The following NPR3 variants were observed in gnomAD, a reference collection of about 807,000 sequenced individuals.
NPR3 encodes natriuretic peptide receptor 3, also known as atrial natriuretic peptide receptor 3.
In NPR3, 34 loss-of-function variants were observed where a neutral mutation model predicts 54.5. The observed-to-expected ratio is 0.62, with a 90% CI of 0.47 to 0.83. The LOEUF is 0.83. Among genes scored for constraint, NPR3 ranks in the 40% least tolerant of loss-of-function variants. NPR3 has a pLI of 0.00. For synonymous variants in NPR3, 289 were observed against 297.1 expected, an observed-to-expected ratio of 0.97 and a Z score of 0.28; for missense variants, 674 against 720.8, an observed-to-expected ratio of 0.94 and a Z score of 0.74.
chr5:32,708,655 G>T (rs912806934), upstream of NPR3, among the ~76,000 whole-genome samples: 3 of 152,130 alleles, frequency 2.0e-5, no homozygotes, highest in African/African-American at 7.2e-5. Flanking sequence ...GGGGTGTCAG[G>T]CTGGGTGACT....
chr5:32,691,813 C>T (rs1308646467), intron 1 of NPR3, among the ~76,000 whole-genome samples: 1 of 152,070 alleles, frequency 6.6e-6, no homozygotes. Flanking sequence ...GTGTCAAAAG[C>T]GAGGAGAAGG....
chr5:32,761,808 TA>T (rs1271263649), intron 3 of NPR3, among the ~76,000 whole-genome samples: 1 of 152,106 alleles, frequency 6.6e-6, no homozygotes, highest in African/African-American at 2.4e-5. Flanking sequence ...TTTTTTTCAT[TA>T]TACTTTAAGT....
upstream of NPR3, among the ~76,000 whole-genome samples, chr5:32,704,951 G>T (rs1026513599): frequency 1.3e-5 from 2 of 152,088 alleles, no homozygotes; most frequent in Non-Finnish European, 1.5e-5. Context: ...GCATATAAGT[G>T]GTCTTCAAAA....
At chr5:32,772,612 A>G (rs966623369) in intron 3 of NPR3, among the ~76,000 whole-genome samples, 4 of 152,218 alleles carry the variant, frequency 2.6e-5, no homozygotes, top group Admixed American at 6.5e-5. Context: ...AATAACATAC[A>G]TGATACCTGT....
At chr5:32,698,747 A>G (rs1417569360) in intron 1 of NPR3, among the ~76,000 whole-genome samples, 1 of 151,874 alleles carries the variant, frequency 6.6e-6, no homozygotes, top group African/African-American at 2.4e-5. Flanking sequence ...GTCTCTTTTT[A>G]TAGTTTTTAT....
chr5:32,769,328 G>A (rs1457224852), intron 3 of NPR3, among the ~76,000 whole-genome samples: 1 of 152,150 alleles, frequency 6.6e-6, no homozygotes, highest in Non-Finnish European at 1.5e-5. Context: ...TATGCACACA[G>A]CACTCCCAGA....
chr5:32,715,165 T>A (rs575184828), intron 1 of NPR3, among the ~76,000 whole-genome samples: 1 of 152,242 alleles, frequency 6.6e-6, no homozygotes, highest in African/African-American at 2.4e-5. Flanking sequence ...GGCCTCCTTA[T>A]GTGAGTTTTC....
At chr5:32,757,332 T>C (rs1216438478) in intron 3 of NPR3, among the ~76,000 whole-genome samples, 1 of 152,200 alleles carries the variant, frequency 6.6e-6, no homozygotes. Context: ...CCCTTGTAAG[T>C]TGGATTCCTA....
At chr5:32,709,273 TGGTAGGACTG>T (rs1738089786), upstream of NPR3, 1 of 152,066 alleles carries the variant, frequency 6.6e-6, no homozygotes, top group Admixed American at 6.5e-5. Flanking sequence ...CTGTGGCCAG[TGGTAGGACTG>T]GGTCTCCGAG....
At chr5:32,761,263 A>G (rs916764146) in intron 3 of NPR3, among the ~76,000 whole-genome samples, 3 of 152,098 alleles carry the variant, frequency 2.0e-5, no homozygotes, top group Non-Finnish European at 4.4e-5. Flanking sequence ...CTGTACACCA[A>G]TTTGGGGGAA....
At chr5:32,775,511 A>C (rs1216295054) in intron 4 of NPR3, among the ~76,000 whole-genome samples, 1 of 151,932 alleles carries the variant, frequency 6.6e-6, no homozygotes, top group Non-Finnish European at 1.5e-5. Context: ...GGCCAGGTTG[A>C]TCTCTAACTC....
chr5:32,739,140 C>A, intron 3 of NPR3, 110 bp downstream of exon 3: 1 of 1,086,284 alleles, frequency 9.2e-7, no homozygotes, highest in Non-Finnish European at 1.3e-6. Context: ...TTCCTAGGTT[C>A]AGGTCTGAAT....
At position 32,786,493 on chromosome 5, in the gene NPR3, T is replaced by A; in HGVS notation, c.*148T>A. The A allele has an allele frequency of 4.7e-6, 3 of 635,876 alleles. No individual in the cohort carries two copies. The highest frequency in any genetic ancestry group is 8.4e-6 in the Non-Finnish European group (3 of 357,244). 39.4% of individuals were successfully genotyped at this position (635,876 alleles called of 1,614,324 possible). The stretch of plus-strand genomic sequence containing the variant: ...TTCATTTTAAAATTTCTGTAGAAGC[T>A]CAGGAATTATGATTAATCACCATCT... On this transcript the variant is annotated 3_prime_UTR_variant, in exon 8 of 8. Coordinates refer to ENST00000265074, the MANE Select transcript of NPR3 (RefSeq NM_001204375.2).
rs111781610 is a variant in NPR3, at chr5:32,698,851, A to G, written c.100+9665A>G. On this transcript the variant is annotated intron_variant, in intron 1 of 5. Transcript: ENST00000509104. Reference sequence around the variant, plus strand: ...TTTTCCATCCCTTTATTTTCAGTCTATGTGTGTCTTTAGAGGCAAAGTGTG... The same window carrying G: ...TTTTCCATCCCTTTATTTTCAGTCTGTGTGTGTCTTTAGAGGCAAAGTGTG... Among the ~76,000 whole-genome samples, 700 of 147,962 alleles carry G rather than the reference A, an allele frequency of 4.7e-3. 6 individuals carry two copies. The highest frequency in any genetic ancestry group is 0.017 in the African/African-American group (669 of 40,388).
At chr5:32,743,926 TA>T (rs896025792) in intron 3 of NPR3, among the ~76,000 whole-genome samples, 66 of 151,304 alleles carry the variant, frequency 4.4e-4, no homozygotes, top group African/African-American at 1.5e-3. Flanking sequence ...ACTATAATAT[TA>T]AAAAAATGCA....
intron 1 of NPR3, among the ~76,000 whole-genome samples, chr5:32,695,254 CT>C (rs1243372618): frequency 1.3e-5 from 2 of 152,064 alleles, no homozygotes; most frequent in African/African-American, 4.8e-5. Flanking sequence ...TACGGTAGCT[CT>C]ATTTTTAGTT....
In NPR3 at chr5:32,786,335, C is replaced by T; in HGVS notation, c.1616C>T (p.Ser539Leu). The change falls in exon 8 of 8, where the codon TCA becomes TTA. Residue 539 changes from serine (S) to leucine (L), a missense_variant. Physicochemically the swap from Ser to Leu is moderately radical, Grantham distance 145. Coordinates refer to ENST00000265074, the MANE Select transcript of NPR3 (RefSeq NM_001204375.2). ...GAAGATTCCATCAGATCCCATTTTT[C>T]AGTAGCTTAAAGGAAGCCCCCCACT... ...LREDSIRSHF[S>L]VA 1 of 1,486,438 alleles carries T rather than the reference C, an allele frequency of 6.7e-7. No individual in the cohort carries two copies. The highest frequency in any genetic ancestry group is 1.2e-5 in the South Asian group (1 of 82,324). The allele number at this position is 1,486,438 out of a possible 1,614,324, so 92.1% of individuals were successfully genotyped here. A position where few individuals can be genotyped will look rare whatever the true frequency, so the allele number is the denominator to read the frequency against.
chr5:32,740,037 T>C (rs1415363057), intron 3 of NPR3, among the ~76,000 whole-genome samples: 1 of 152,204 alleles, frequency 6.6e-6, no homozygotes, highest in African/African-American at 2.4e-5. Flanking sequence ...CACACCACCA[T>C]GCCCAGCTAA....
chr5:32,756,569 C>T (rs572691420), intron 3 of NPR3, among the ~76,000 whole-genome samples: 19 of 152,170 alleles, frequency 1.2e-4, no homozygotes, highest in South Asian at 6.2e-4. Flanking sequence ...TTTACTCTGA[C>T]GGTAGTTTCT....
Sources: gnomAD v4.1 joint callset for allele counts (sites outside exome capture counted in the v4.1 genomes callset) on GRCh38, gnomAD v4.1.1 for gene constraint, MANE v1.5 for transcripts, NCBI Gene and HGNC (gene_info 2026-07-23, HGNC 2026-07-21) for gene names.